The following AKR1C8 variants were observed in gnomAD, a reference collection of about 807,000 sequenced individuals.
AKR1C8 encodes aldo-keto reductase family 1 member C8.
chr10:5,128,484 C>A, the AKR1C8 span, among the ~76,000 whole-genome samples: 1 of 152,040 alleles, frequency 6.6e-6, no homozygotes, highest in Non-Finnish European at 1.5e-5. Flanking sequence ...TTAGAAGACA[C>A]AGAATGGCAG....
chr10:5,160,323 G>A, the AKR1C8 span, among the ~76,000 whole-genome samples: 1 of 151,972 alleles, frequency 6.6e-6, no homozygotes, highest in Non-Finnish European at 1.5e-5. Context: ...ATAAGCAAAG[G>A]AGACTCTTGG....
chr10:5,181,556 C>T, the AKR1C8 span, among the ~76,000 whole-genome samples: 2 of 152,120 alleles, frequency 1.3e-5, no homozygotes, highest in Non-Finnish European at 2.9e-5. Flanking sequence ...CTAAAACAAC[C>T]CCAAAAAAGT....
the AKR1C8 span, among the ~76,000 whole-genome samples, chr10:5,141,836 G>C: frequency 6.6e-6 from 1 of 152,174 alleles, no homozygotes; most frequent in South Asian, 2.1e-4. Flanking sequence ...TCTATTTATA[G>C]AGCATGGTTT....
chr10:5,165,351 GT>G, the AKR1C8 span, among the ~76,000 whole-genome samples: 4 of 152,294 alleles, frequency 2.6e-5, no homozygotes, highest in African/African-American at 4.8e-5. Flanking sequence ...TGGAGTCAGA[GT>G]TTTTGCCTAA....
chr10:5,169,877 G>A, the AKR1C8 span, among the ~76,000 whole-genome samples: 1 of 151,856 alleles, frequency 6.6e-6, no homozygotes, highest in Non-Finnish European at 1.5e-5. Context: ...TTTTCACTTA[G>A]TTACTTACTT....
the AKR1C8 span, among the ~76,000 whole-genome samples, chr10:5,133,990 G>A: frequency 2.0e-5 from 3 of 152,162 alleles, no homozygotes; most frequent in Admixed American, 2.0e-4. Flanking sequence ...TAATTTCAGT[G>A]AAATTTAAAA....
chr10:5,122,675 G>A, the AKR1C8 span, among the ~76,000 whole-genome samples: 16 of 152,104 alleles, frequency 1.1e-4, no homozygotes, highest in Non-Finnish European at 1.9e-4. Context: ...GTGTCTCAAA[G>A]ATCAGTCAGA....
chr10:5,163,570 C>A, the AKR1C8 span, among the ~76,000 whole-genome samples: 14 of 152,244 alleles, frequency 9.2e-5, no homozygotes, highest in East Asian at 2.5e-3. Flanking sequence ...CCCATTATGA[C>A]ACTATGCCTC....
chr10:5,182,651 T>C, the AKR1C8 span, among the ~76,000 whole-genome samples: 1 of 152,172 alleles, frequency 6.6e-6, no homozygotes, highest in Non-Finnish European at 1.5e-5. Flanking sequence ...GGCTTATGCC[T>C]GTAATCCTAG....
At chr10:5,170,686 T>G in the AKR1C8 span, among the ~76,000 whole-genome samples, 3 of 152,140 alleles carry the variant, frequency 2.0e-5, no homozygotes, top group African/African-American at 7.2e-5. Context: ...AGACAAAATA[T>G]GAGGTTAGTT....
the AKR1C8 span, among the ~76,000 whole-genome samples, chr10:5,174,366 G>A: frequency 1.3e-5 from 2 of 151,410 alleles, no homozygotes; most frequent in Non-Finnish European, 2.9e-5. Context: ...ATGCCTCTTA[G>A]TTCACGTGAC....
chr10:5,136,617 A>T, the AKR1C8 span, among the ~76,000 whole-genome samples: 7 of 152,326 alleles, frequency 4.6e-5, no homozygotes, highest in South Asian at 1.4e-3. Flanking sequence ...GTAAAATGAT[A>T]TCTTAATGTG....
chr10:5,126,786 G>C, the AKR1C8 span, among the ~76,000 whole-genome samples: 12,708 of 151,958 alleles, frequency 0.084, 759 homozygotes, highest in Non-Finnish European at 0.13. Flanking sequence ...ACTACAACCA[G>C]CATCTGAGGA....
chr10:5,143,030 T>G, the AKR1C8 span, among the ~76,000 whole-genome samples: 2 of 152,052 alleles, frequency 1.3e-5, no homozygotes, highest in Non-Finnish European at 2.9e-5. Context: ...AACCGTTAAT[T>G]TTAGGTGCCA....
the AKR1C8 span, among the ~76,000 whole-genome samples, chr10:5,161,307 G>A: frequency 1.6e-4 from 24 of 152,206 alleles, 1 homozygote; most frequent in Admixed American, 4.6e-4. Flanking sequence ...CCCAGTTTAC[G>A]CTCACCCGAC....
At chr10:5,132,278 A>G in the AKR1C8 span, among the ~76,000 whole-genome samples, 5 of 152,278 alleles carry the variant, frequency 3.3e-5, no homozygotes, top group Non-Finnish European at 5.9e-5. Context: ...AATCATCACT[A>G]TAGAATTCAT....
the AKR1C8 span, chr10:5,157,733 C>T: frequency 2.1e-6 from 1 of 472,114 alleles, no homozygotes; most frequent in South Asian, 1.5e-5. Flanking sequence ...CCTGGGCTTC[C>T]ACTGTGTTTC....
chr10:5,132,808 T>C, the AKR1C8 span: 2 of 899,750 alleles, frequency 2.2e-6, no homozygotes, highest in South Asian at 1.7e-5. Flanking sequence ...GTGATCAATG[T>C]GCTCAACAGG....
At chr10:5,147,876 C>G in the AKR1C8 span, among the ~76,000 whole-genome samples, 1 of 152,266 alleles carries the variant, frequency 6.6e-6, no homozygotes. Flanking sequence ...GTAGAAACAC[C>G]ATGGTGACTT....
Sources: gnomAD v4.1 joint callset for allele counts (sites outside exome capture counted in the v4.1 genomes callset) on GRCh38, gnomAD v4.1.1 for gene constraint, MANE v1.5 for transcripts, NCBI Gene and HGNC (gene_info 2026-07-23, HGNC 2026-07-21) for gene names.